CELSR1: variants seen among roughly 807,000 people sequenced by gnomAD.
CELSR1 encodes cadherin EGF LAG seven-pass G-type receptor 1.
Under a neutral mutation model 249.1 loss-of-function variants are expected in CELSR1, and 110 were observed. The observed-to-expected ratio is 0.44, with a 90% CI of 0.38 to 0.52. The LOEUF (loss-of-function observed/expected upper bound fraction) is 0.52. CELSR1 is among the 20% of genes least tolerant of loss of function. CELSR1 has a pLI of 0.00. For synonymous variants in CELSR1, 2,113 were observed against 1,900.0 expected, an observed-to-expected ratio of 1.11 and a Z score of -2.92; for missense variants, 4,109 against 4,296.4, an observed-to-expected ratio of 0.96 and a Z score of 1.22.
intron 1 of CELSR1, among the ~76,000 whole-genome samples, chr22:46,503,087 G>T (rs755825267): frequency 6.6e-6 from 1 of 152,204 alleles, no homozygotes; most frequent in Non-Finnish European, 1.5e-5. Context: ...ACAGTCGGGG[G>T]AGGCTCTCTC....
Position 46,413,325 on chromosome 22 carries a change from GGGACCCT to G in CELSR1, c.4612-1573_4612-1567del, listed in dbSNP as rs2079359942. ...AGATGGCCAAGTTGCATGACTTCTGGGGACCCTGGACACCCAGGCAGCACGCCCTGCC... is the reference window on the plus strand; with the variant it reads ...AGATGGCCAAGTTGCATGACTTCTGGGGACACCCAGGCAGCACGCCCTGCC... On this transcript the variant is annotated intron_variant, in intron 5 of 34. Transcript: ENST00000674500. The surrounding 1 kb of genome is among the most constrained non-coding windows in gnomAD (Gnocchi z 4.7). Among the ~76,000 whole-genome samples, 3 of 152,162 alleles carry G rather than the reference GGGACCCT, an allele frequency of 2.0e-5. No homozygotes were observed. The highest frequency in any genetic ancestry group is 1.3e-4 in the Admixed American group (2 of 15,280).
chr22:46,480,356 A>G (rs977592783), intron 1 of CELSR1, among the ~76,000 whole-genome samples: 1 of 152,208 alleles, frequency 6.6e-6, no homozygotes, highest in African/African-American at 2.4e-5. Context: ...AGAAAAGTAC[A>G]TCCACATCCT....
rs2080731189 is a variant in CELSR1 at position 46,525,620 on chromosome 22, C to T, written c.3544+8007G>A. On this transcript the variant is annotated intron_variant, in intron 1 of 34. Transcript: ENST00000674500. Reference sequence around the variant, plus strand: ...TGTGAACTGAAGAAATCACACCAAACTCAGGACTGCTTTCTACATGCTGCA... The same window carrying T: ...TGTGAACTGAAGAAATCACACCAAATTCAGGACTGCTTTCTACATGCTGCA... Among the ~76,000 whole-genome samples the T allele has an allele frequency of 2.0e-5, 3 of 152,234 alleles. No individual in the cohort carries two copies. The South Asian group carries it at 6.2e-4, about 31-fold the overall frequency.
At position 46,396,444 on chromosome 22, in the gene CELSR1, T is replaced by C. The variant is rs1260000317; in HGVS notation, c.5843+161A>G. On this transcript the variant is annotated intron_variant, in intron 13 of 34. Transcript: ENST00000674500. This position sits in a 1 kb window ranked among gnomAD's most constrained non-coding sequence, Gnocchi z 6.4. ...AATAAAATAAAAATTAAAAAAAATTTGATTTTCACTTAATTCATGCCAAAT... is the reference window on the plus strand; with the variant it reads ...AATAAAATAAAAATTAAAAAAAATTCGATTTTCACTTAATTCATGCCAAAT... Among the ~76,000 whole-genome samples, 1 of 151,914 alleles carries C rather than the reference T, an allele frequency of 6.6e-6. No individual in the cohort carries two copies. The highest frequency in any genetic ancestry group is 1.5e-5 in the Non-Finnish European group (1 of 68,034).
In CELSR1 at chr22:46,464,369, G is replaced by A. The variant is rs776461062; in HGVS notation, c.3545-24C>T. ...ATCTGCAGACACAAGGAAAGTCAGG[G>A]TCATTCAGATGCTGCGGGAGTCACA... On this transcript the variant is annotated intron_variant, in intron 1 of 34. Transcript: ENST00000674500. The surrounding 1 kb of genome is among the most constrained non-coding windows in gnomAD (Gnocchi z 8.5). 4 of 1,597,980 alleles carry A rather than the reference G, an allele frequency of 2.5e-6. No individual in the cohort carries two copies. Among genetic ancestry groups the A allele is most frequent in the Non-Finnish European group, 3.4e-6 (4 of 1,171,860 alleles).
intron 1 of CELSR1, among the ~76,000 whole-genome samples, chr22:46,514,373 T>G (rs1261785219): frequency 6.6e-6 from 1 of 152,170 alleles, no homozygotes; most frequent in Non-Finnish European, 1.5e-5. Context: ...CTGAAGCTCT[T>G]CCACCCAGAC....
chr22:46,497,470 G>A (rs1328656451), intron 1 of CELSR1, among the ~76,000 whole-genome samples: 3 of 152,138 alleles, frequency 2.0e-5, no homozygotes, highest in Admixed American at 1.3e-4. Flanking sequence ...TCTGTCCCGG[G>A]TCTCTGGTAG....
chr22:46,522,192 C>G (rs953980458), intron 1 of CELSR1, among the ~76,000 whole-genome samples: 1 of 152,208 alleles, frequency 6.6e-6, no homozygotes, highest in African/African-American at 2.4e-5. Context: ...GTGATGCAAT[C>G]TCAGCTCACT....
Position 46,408,868 on chromosome 22 carries a change from C to A in CELSR1, c.5226+128G>T, listed in dbSNP as rs2079296962. ...TTCCCCTTCCCCCTCTTCGGAGAAC[C>A]CCAGGGGCGGGCGCCGGAGGAAGGG... On this transcript the variant is annotated intron_variant, in intron 9 of 34. Coordinates refer to ENST00000674500, the MANE Select transcript of CELSR1 (RefSeq NM_001378328.1). The surrounding 1 kb of genome is among the most constrained non-coding windows in gnomAD (Gnocchi z 4.6). 2 of 720,676 alleles carry A rather than the reference C, an allele frequency of 2.8e-6. No individual in the cohort carries two copies. Among genetic ancestry groups the A allele is most frequent in the African/African-American group, 1.8e-5 (1 of 55,240 alleles). The allele number at this position is 720,676 out of a possible 1,614,324, so 44.6% of individuals were successfully genotyped here.
At chr22:46,425,025 G>C (rs1273051240) in intron 5 of CELSR1, among the ~76,000 whole-genome samples, 1 of 152,210 alleles carries the variant, frequency 6.6e-6, no homozygotes, top group Non-Finnish European at 1.5e-5. Flanking sequence ...ACATAGTATG[G>C]TCCTTTTGGG....
intron 5 of CELSR1, among the ~76,000 whole-genome samples, chr22:46,416,273 G>A (rs1237129346): frequency 6.6e-6 from 1 of 152,262 alleles, no homozygotes; most frequent in Non-Finnish European, 1.5e-5. Flanking sequence ...AAAGCGCCGG[G>A]CACAGGATGG....
At position 46,391,638 on chromosome 22, in the gene CELSR1, C is replaced by T; in HGVS notation, c.6143G>A (p.Cys2048Tyr). The T allele has an allele frequency of 6.3e-7, 1 of 1,597,856 alleles. No homozygotes were observed. The highest frequency in any genetic ancestry group is 8.5e-7 in the Non-Finnish European group (1 of 1,175,312). ...TGTCGAGGGGCAACGCGGACCTTCA[C>T]AGCCGAGCGTGGTGACCTCGGCAAA... is the stretch of plus-strand genomic sequence containing the variant. ...NPFAEVTTLG[C>Y]EVIYNGCPKA... is the part of the protein sequence containing the mutation. The change falls in exon 15 of 35, where the codon TGT becomes TAT. Residue 2048 changes from cysteine (C) to tyrosine (Y), a missense_variant. This residue lies in a region of CELSR1 where 1,805 missense variants were observed against 1,831.6 expected (regional missense o/e 0.99). Transcript: ENST00000674500. This position sits in a 1 kb window ranked among gnomAD's most constrained non-coding sequence, Gnocchi z 4.3.
chr22:46,467,226 C>T (rs894804873), intron 1 of CELSR1, among the ~76,000 whole-genome samples: 2 of 152,158 alleles, frequency 1.3e-5, no homozygotes, highest in Non-Finnish European at 2.9e-5. Flanking sequence ...TGCTACATCC[C>T]GTTTATACAT....
chr22:46,485,754 T>C (rs879461601), intron 1 of CELSR1, among the ~76,000 whole-genome samples: 1 of 152,044 alleles, frequency 6.6e-6, no homozygotes, highest in Non-Finnish European at 1.5e-5. Flanking sequence ...TCCCACAGTC[T>C]GGGGAAATGG....
In CELSR1 at chr22:46,398,576, C is replaced by A; in HGVS notation, c.5474G>T (p.Gly1825Val). 2.5e-6 allele frequency: 4 copies of A among 1,613,832 alleles called. No homozygotes were observed. The South Asian group carries it at 4.4e-5, about 18-fold the overall frequency. The change falls in exon 11 of 35, where the codon GGC becomes GTC. Residue 1825 changes from glycine to valine, a missense_variant. Gly to Val is a moderately radical substitution (Grantham distance 109). Transcript: ENST00000674500. This position sits in a 1 kb window ranked among gnomAD's most constrained non-coding sequence, Gnocchi z 7.2. ...GLTVRSVVVG[G>V]ASEDKVSVRR... ...CACGGAGACCTTGTCTTCAGAGGCG[C>A]CTCCGACCACCACGCTCCTTACCGT...
chr22:46,411,823 C>T lies in CELSR1; in HGVS notation c.4612-64G>A. 1.9e-6 allele frequency: 3 copies of T among 1,600,030 alleles called. No individual in the cohort carries two copies. Among genetic ancestry groups the T allele is most frequent in the Non-Finnish European group, 2.6e-6 (3 of 1,172,946 alleles). On this transcript the variant is annotated intron_variant, in intron 5 of 34. Coordinates refer to ENST00000674500, the MANE Select transcript of CELSR1 (RefSeq NM_001378328.1). This position sits in a 1 kb window ranked among gnomAD's most constrained non-coding sequence, Gnocchi z 4.2. The stretch of plus-strand genomic sequence containing the variant: ...TCCACCAGTGCCCTCAGCAGGCGCA[C>T]CTGTCACTCATAGAGCGAGGAGGAC...
intron 20 of CELSR1, 55 bp downstream of exon 20, chr22:46,384,488 C>A: frequency 6.6e-7 from 1 of 1,526,568 alleles, no homozygotes; most frequent in East Asian, 2.4e-5. Flanking sequence ...GGGGCCCTCC[C>A]CTCCCTGAAC....
At chr22:46,493,821 T>C (rs1294386756) in intron 1 of CELSR1, among the ~76,000 whole-genome samples, 1 of 150,876 alleles carries the variant, frequency 6.6e-6, no homozygotes, top group East Asian at 1.9e-4. Flanking sequence ...CCTCCTTTGC[T>C]TTCCACCATG....
At position 46,463,782 on chromosome 22, in the gene CELSR1, C is replaced by G. The variant is rs752297578; in HGVS notation, c.4108G>C (p.Asp1370His). The stretch of plus-strand genomic sequence containing the variant: ...CAGCGGCCGTTGGCGCCGCACGGGT[C>G]GGAGTAGCAGAGGTCGATCTCCGTC... ...CETEIDLCYS[D>H]PCGANGRCRS... is the part of the protein sequence containing the mutation. The change falls in exon 2 of 35, where the codon GAC becomes CAC. Residue 1370 changes from aspartate (D) to histidine (H), a missense_variant. By Grantham distance (81) the Asp-to-His change is moderately conservative (BLOSUM62 -1). This residue lies in a region of CELSR1 where 453 missense variants were observed against 492.0 expected (regional missense o/e 0.92). Coordinates refer to ENST00000674500, the MANE Select transcript of CELSR1 (RefSeq NM_001378328.1). 3.1e-6 allele frequency: 5 copies of G among 1,595,866 alleles called. No homozygotes were observed. The African/African-American group carries it at 6.7e-5, about 21-fold the overall frequency.
Sources: allele counts gnomAD v4.1 joint callset (sites outside exome capture counted in the v4.1 genomes callset), GRCh38; gene constraint gnomAD v4.1.1; regional missense constraint gnomAD v4.1.1; non-coding constraint Gnocchi (gnomAD v3.1); transcripts MANE v1.5; gene names NCBI Gene and HGNC (gene_info 2026-07-23, HGNC 2026-07-21).